Variants in BLTP2 observed in about 807,000 individuals in gnomAD.
The protein encoded by BLTP2 is bridge-like lipid transfer protein family member 2.
the BLTP2 span, chr17:28,639,872 G>A: frequency 3.3e-5 from 54 of 1,613,084 alleles, no homozygotes; most frequent in South Asian, 4.1e-4. Context: ...TCCCATTCTC[G>A]CTCAGTACCA....
the BLTP2 span, among the ~76,000 whole-genome samples, chr17:28,629,266 G>C: frequency 8.6e-5 from 13 of 150,822 alleles, no homozygotes; most frequent in Non-Finnish European, 1.8e-4. Context: ...ACAGAATCTG[G>C]TTCTGTCTCC....
At chr17:28,634,688 T>TC in the BLTP2 span, 1 of 1,614,098 alleles carries the variant, frequency 6.2e-7, no homozygotes, top group Non-Finnish European at 8.5e-7. Context: ...CCTGCTAAGC[T>TC]CCAAGTAAGC....
chr17:28,617,495 T>C, the BLTP2 span: 4 of 547,402 alleles, frequency 7.3e-6, no homozygotes, highest in East Asian at 2.9e-5. Context: ...ATGGGCACTA[T>C]TGTCCAGGAC....
the BLTP2 span, chr17:28,643,497 C>A: frequency 7.3e-7 from 1 of 1,368,492 alleles, no homozygotes; most frequent in Non-Finnish European, 1.0e-6. Flanking sequence ...AAGACTTCAG[C>A]AACAACCTCC....
At chr17:28,636,051 T>C in the BLTP2 span, 1 of 157,552 alleles carries the variant, frequency 6.3e-6, no homozygotes, top group Non-Finnish European at 1.4e-5. Context: ...TGCATCAATT[T>C]AATTCTCAAA....
the BLTP2 span, chr17:28,628,698 G>T: frequency 7.3e-6 from 5 of 689,530 alleles, no homozygotes; most frequent in East Asian, 1.1e-4. Context: ...ACTTTGGGAG[G>T]CCGAAGTGGG....
chr17:28,645,102 G>A, the BLTP2 span: 40 of 1,536,028 alleles, frequency 2.6e-5, no homozygotes, highest in Non-Finnish European at 3.1e-5. Flanking sequence ...CCGCCATGCC[G>A]GGCCCCGACG....
chr17:28,640,405 A>T, the BLTP2 span: 21 of 756,502 alleles, frequency 2.8e-5, no homozygotes, highest in Non-Finnish European at 3.6e-5. Flanking sequence ...AAATAATAAT[A>T]ATTTTTTTAA....
chr17:28,622,729 G>A, the BLTP2 span, among the ~76,000 whole-genome samples: 1 of 152,210 alleles, frequency 6.6e-6, no homozygotes, highest in African/African-American at 2.4e-5. Context: ...GCAATGCAAA[G>A]ACAGGCTCCT....
chr17:28,615,819 G>C, the BLTP2 span: 1 of 1,599,338 alleles, frequency 6.3e-7, no homozygotes, highest in Non-Finnish European at 8.5e-7. Flanking sequence ...AGGGGGAGGG[G>C]AAAGAAAAAA....
the BLTP2 span, chr17:28,620,025 T>G: frequency 6.2e-7 from 1 of 1,604,162 alleles, no homozygotes; most frequent in Non-Finnish European, 8.5e-7. Context: ...CCTAAAGGAA[T>G]GGAAAGGGAA....
At chr17:28,636,939 G>GCCCC in the BLTP2 span, 1 of 1,592,972 alleles carries the variant, frequency 6.3e-7, no homozygotes, top group Non-Finnish European at 8.6e-7. Context: ...AACCAGCCTG[G>GCCCC]CCCCACCTCT....
At chr17:28,618,788 T>C in the BLTP2 span, 4 of 1,611,734 alleles carry the variant, frequency 2.5e-6, no homozygotes, top group South Asian at 1.1e-5. Context: ...ATACCCCAGA[T>C]ACCTTGCTGT....
At chr17:28,637,824 T>C in the BLTP2 span, 1 of 1,611,960 alleles carries the variant, frequency 6.2e-7, no homozygotes, top group Non-Finnish European at 8.5e-7. Context: ...ATAGACTCCT[T>C]GTCCCACTTA....
chr17:28,635,222 C>T, the BLTP2 span: 1 of 1,613,984 alleles, frequency 6.2e-7, no homozygotes. Flanking sequence ...AGCTGCACCT[C>T]CACCTCCTTG....
chr17:28,624,154 C>A, the BLTP2 span: 1 of 1,509,474 alleles, frequency 6.6e-7, no homozygotes, highest in South Asian at 1.2e-5. Context: ...TTCACCCATT[C>A]ATATTTAGAG....
At chr17:28,644,030 C>T in the BLTP2 span, 2 of 1,612,514 alleles carry the variant, frequency 1.2e-6, no homozygotes, top group African/African-American at 1.3e-5. Context: ...CAACCCTACA[C>T]ACATATCCAG....
the BLTP2 span, among the ~76,000 whole-genome samples, chr17:28,627,174 G>A: frequency 6.6e-6 from 1 of 151,996 alleles, no homozygotes; most frequent in South Asian, 2.1e-4. Flanking sequence ...TTCGAGTGAG[G>A]GAATAGAAAA....
At chr17:28,635,629 A>C in the BLTP2 span, 2 of 1,590,642 alleles carry the variant, frequency 1.3e-6, no homozygotes, top group Non-Finnish European at 1.7e-6. Context: ...GCAGAAGAAA[A>C]GGATCTGTCA....
Sources: gnomAD v4.1 joint callset for allele counts (sites outside exome capture counted in the v4.1 genomes callset) on GRCh38, gnomAD v4.1.1 for gene constraint, MANE v1.5 for transcripts, NCBI Gene and HGNC (gene_info 2026-07-23, HGNC 2026-07-21) for gene names.